MAD1L1: variants seen among roughly 807,000 people sequenced by gnomAD.
The protein encoded by MAD1L1 is mitotic arrest deficient 1 like 1.
MAD1L1 carries 95 observed loss-of-function variants against 96.9 expected under a neutral mutation model. The observed-to-expected ratio is 0.98, with a 90% CI of 0.83 to 1.16. MAD1L1 has a LOEUF of 1.16. Among genes scored for constraint, MAD1L1 ranks in the 50% most tolerant of loss-of-function variants. The pLI, the probability that MAD1L1 is intolerant of heterozygous loss-of-function variation, is 0.00. For synonymous variants in MAD1L1, 473 were observed against 396.6 expected, an observed-to-expected ratio of 1.19 and a Z score of -2.29; for missense variants, 1,007 against 954.4, an observed-to-expected ratio of 1.06 and a Z score of -0.73.
At position 1,905,246 on chromosome 7, in the gene MAD1L1, G is replaced by T. The variant is rs1164128770; in HGVS notation, c.1808-6856C>A. 2.1e-5 allele frequency among the ~76,000 whole-genome samples: 2 copies of T among 96,860 alleles called. 1 individual carries two copies. Among genetic ancestry groups the T allele is most frequent in the African/African-American group, 6.9e-5 (2 of 29,032 alleles). 63.5% of individuals were successfully genotyped at this position (96,860 alleles called of 152,430 possible). A position where few individuals can be genotyped will look rare whatever the true frequency, so the allele number is the denominator to read the frequency against. ...ATGAAGCACTGTTCCAGGCAGCGAGGACGCAGTGGCCTACGGAAGACGCTC... is the reference window on the plus strand; with the variant it reads ...ATGAAGCACTGTTCCAGGCAGCGAGTACGCAGTGGCCTACGGAAGACGCTC... On this transcript the variant is annotated intron_variant, in intron 17 of 18. Coordinates refer to ENST00000265854, the MANE Select transcript of MAD1L1 (RefSeq NM_001013836.2).
intron 4 of MAD1L1, among the ~76,000 whole-genome samples, chr7:2,223,308 C>T (rs920430073): frequency 3.3e-5 from 5 of 152,204 alleles, no homozygotes; most frequent in South Asian, 2.1e-4. Context: ...ACCCACCCCC[C>T]ACGACTGGCC....
At chr7:2,067,358 G>T (rs1784924946) in intron 12 of MAD1L1, among the ~76,000 whole-genome samples, 1 of 152,054 alleles carries the variant, frequency 6.6e-6, no homozygotes, top group African/African-American at 2.4e-5. Flanking sequence ...AGAGAATGAG[G>T]GACATCTGAG....
At chr7:1,996,185 C>T (rs1402314539) in intron 14 of MAD1L1, among the ~76,000 whole-genome samples, 6 of 134,772 alleles carry the variant, frequency 4.5e-5, no homozygotes, top group African/African-American at 1.6e-4. Context: ...GGCTGCTGGG[C>T]GGGCAGGGTC....
At chr7:1,933,202 TCACTAGGGGAGGG>T (rs1420618927) in intron 17 of MAD1L1, among the ~76,000 whole-genome samples, 45 of 152,270 alleles carry the variant, frequency 3.0e-4, no homozygotes, top group African/African-American at 1.1e-3. Context: ...TATCAGCTCC[TCACTAGGGGAGGG>T]CACTAGGGGC....
chr7:2,072,657 G>A (rs1028657465), intron 11 of MAD1L1, among the ~76,000 whole-genome samples: 10 of 152,320 alleles, frequency 6.6e-5, no homozygotes, highest in South Asian at 2.1e-4. Context: ...CTAGAAGAAC[G>A]CCACCATTCC....
intron 17 of MAD1L1, among the ~76,000 whole-genome samples, chr7:1,916,528 T>C (rs1488208896): frequency 6.6e-6 from 1 of 151,976 alleles, no homozygotes; most frequent in African/African-American, 2.4e-5. Flanking sequence ...GCATGAGGCA[T>C]GGCGGGGGAG....
intron 10 of MAD1L1, among the ~76,000 whole-genome samples, chr7:2,169,415 A>G (rs1276323549): frequency 6.6e-6 from 1 of 152,216 alleles, no homozygotes; most frequent in Admixed American, 6.5e-5. Context: ...CAACTTCGTC[A>G]TGTCAAGGAA....
intron 7 of MAD1L1, 34 bp from the exon 8 acceptor site, chr7:2,216,321 A>C (rs1793277754): frequency 1.9e-6 from 3 of 1,602,134 alleles, no homozygotes; most frequent in Non-Finnish European, 2.6e-6. Flanking sequence ...AGAAGGGAAA[A>C]ATGAGCCACG....
chr7:1,857,269 G>A (rs574089737), intron 18 of MAD1L1, among the ~76,000 whole-genome samples: 1 of 152,346 alleles, frequency 6.6e-6, no homozygotes, highest in African/African-American at 2.4e-5. Flanking sequence ...GCGAGGGTGG[G>A]TGCGATGACT....
intron 14 of MAD1L1, among the ~76,000 whole-genome samples, chr7:1,999,626 C>A (rs1251429054): frequency 1.3e-5 from 2 of 152,142 alleles, no homozygotes; most frequent in African/African-American, 2.4e-5. Flanking sequence ...AACCTGCTGG[C>A]CCCAGCCCCT....
chr7:2,050,806 G>A (rs1292991513), intron 12 of MAD1L1, among the ~76,000 whole-genome samples: 3 of 152,174 alleles, frequency 2.0e-5, no homozygotes, highest in Non-Finnish European at 4.4e-5. Flanking sequence ...ACACCTGTGC[G>A]GAACGGCCAG....
intron 12 of MAD1L1, among the ~76,000 whole-genome samples, chr7:2,029,448 G>A (rs1049705484): frequency 1.3e-5 from 2 of 152,202 alleles, no homozygotes; most frequent in African/African-American, 2.4e-5. Flanking sequence ...TGGTGACACC[G>A]TGTTCCCGAC....
rs1295312760 is a variant in MAD1L1, at chr7:2,017,997, AGC to A, written c.1219-3357_1219-3356del. ...AGAGACCAGGGCTGCGGGTGGTGAG[AGC>A]ACCCACAGGAGCGGGAGACTGCAGG... On this transcript the variant is annotated intron_variant, in intron 12 of 18. Coordinates refer to ENST00000265854, the MANE Select transcript of MAD1L1 (RefSeq NM_001013836.2). Among the ~76,000 whole-genome samples the A allele has an allele frequency of 2.6e-5, 4 of 152,040 alleles. No homozygotes were observed. In the East Asian group the frequency reaches 7.8e-4, roughly 29 times the overall value.
intron 11 of MAD1L1, among the ~76,000 whole-genome samples, chr7:2,131,990 C>T (rs1482526564): frequency 2.6e-5 from 4 of 152,126 alleles, no homozygotes; most frequent in Non-Finnish European, 4.4e-5. Flanking sequence ...CTCGTAGACC[C>T]GCCGCGGCGC....
intron 10 of MAD1L1, among the ~76,000 whole-genome samples, chr7:2,191,907 T>G (rs1020369472): frequency 6.6e-6 from 1 of 151,930 alleles, no homozygotes; most frequent in Non-Finnish European, 1.5e-5. Flanking sequence ...GGCAGGCACC[T>G]GTAATCTCAG....
chr7:2,085,380 C>T (rs1286898297), intron 11 of MAD1L1, among the ~76,000 whole-genome samples: 5 of 152,216 alleles, frequency 3.3e-5, no homozygotes, highest in African/African-American at 9.7e-5. Context: ...GCAGTACACA[C>T]CCCAGGAGAG....
chr7:1,945,788 G>A (rs185993466), intron 16 of MAD1L1, among the ~76,000 whole-genome samples: 1 of 152,348 alleles, frequency 6.6e-6, no homozygotes, highest in African/African-American at 2.4e-5. Flanking sequence ...TCTGCATGGC[G>A]TGGCTGTGGC....
In MAD1L1 at chr7:2,007,365, G is replaced by T. The variant is rs956071508; in HGVS notation, c.1360-5244C>A. Among the ~76,000 whole-genome samples the T allele has an allele frequency of 1.2e-4, 18 of 152,358 alleles. No individual in the cohort carries two copies. In the East Asian group the frequency reaches 3.5e-3, roughly 29 times the overall value. On this transcript the variant is annotated intron_variant, in intron 13 of 18. Transcript: ENST00000265854. ...CCCCGCGTGTTGCCACGGTATGGCC[G>T]CTGGGAAGAGCCTGGCAATGTCTTA...
At chr7:1,895,519 C>T (rs947493519) in intron 18 of MAD1L1, among the ~76,000 whole-genome samples, 16 of 152,258 alleles carry the variant, frequency 1.1e-4, no homozygotes, top group Non-Finnish European at 2.2e-4. Flanking sequence ...TACTTAATCT[C>T]CCTGATCCTG....
Sources: allele counts gnomAD v4.1 joint callset (sites outside exome capture counted in the v4.1 genomes callset), GRCh38; gene constraint gnomAD v4.1.1; transcripts MANE v1.5; gene names NCBI Gene and HGNC (gene_info 2026-07-23, HGNC 2026-07-21).